The following ZFP2 variants were observed in gnomAD, a reference collection of about 807,000 sequenced individuals.
ZFP2 encodes zinc finger protein ZFP2.
Under a neutral mutation model 36.1 loss-of-function variants are expected in ZFP2, and 33 were observed. The observed-to-expected ratio is 0.92, with a 90% CI of 0.69 to 1.22. ZFP2 has a LOEUF of 1.22. Ranked by LOEUF, ZFP2 falls within the 50% of genes most tolerant of loss-of-function variation. The pLI is 0.00. For missense variants in ZFP2, 522 were observed against 551.4 expected (o/e 0.95, Z 0.53); for synonymous variants, 170 against 178.0 (o/e 0.96, Z 0.36).
At position 178,931,382 on chromosome 5, in the gene ZFP2, A is replaced by T; in HGVS notation, c.69A>T (p.Gly23=). Residue 23 remains glycine (G), a synonymous_variant, in exon 5 of 5, where the codon GGA becomes GGT. Transcript: ENST00000361362. ...ETWEPNNWLE[G]QQDSHLSQVG... is the part of the protein sequence containing the mutation. ...GGGAACCTAATAATTGGTTAGAGGG[A>T]CAACAGGATAGTCATCTGAGCCAAG... 1 of 1,614,114 alleles carries T rather than the reference A, an allele frequency of 6.2e-7. No individual in the cohort carries two copies. Among genetic ancestry groups the T allele is most frequent in the Non-Finnish European group, 8.5e-7 (1 of 1,180,000 alleles).
chr5:178,917,277 C>T (rs1414245918), intron 4 of ZFP2, among the ~76,000 whole-genome samples: 1 of 152,162 alleles, frequency 6.6e-6, no homozygotes, highest in Non-Finnish European at 1.5e-5. Flanking sequence ...CCACCCTAAC[C>T]ATCCCTAAAC....
At chr5:178,928,668 T>C (rs1758748626) in intron 4 of ZFP2, among the ~76,000 whole-genome samples, 1 of 152,206 alleles carries the variant, frequency 6.6e-6, no homozygotes. Context: ...AGTGCTCTCA[T>C]GGGTTGTAGT....
intron 4 of ZFP2, among the ~76,000 whole-genome samples, chr5:178,928,639 T>G (rs989513410): frequency 2.0e-5 from 3 of 152,256 alleles, no homozygotes; most frequent in Admixed American, 6.5e-5. Flanking sequence ...CACATGGCTT[T>G]GCAGTGTTCA....
At chr5:178,896,144 C>T (rs993014044) in intron 1 of ZFP2, among the ~76,000 whole-genome samples, 170 bp downstream of exon 1, 3 of 152,202 alleles carry the variant, frequency 2.0e-5, no homozygotes, top group Admixed American at 6.5e-5. Context: ...AGCGCCGGGC[C>T]TCCGGCTCCA....
At position 178,916,834 on chromosome 5, in the gene ZFP2, C is replaced by T. The variant is rs570691024; in HGVS notation, c.-78+124C>T. 14 of 707,312 alleles carry T rather than the reference C, an allele frequency of 2.0e-5. No homozygotes were observed. In the East Asian group the frequency reaches 8.0e-4, roughly 40 times the overall value. The allele number at this position is 707,312 out of a possible 1,614,324, so 43.8% of individuals were successfully genotyped here. On this transcript the variant is annotated intron_variant, in intron 4 of 4. Coordinates refer to ENST00000361362, the MANE Select transcript of ZFP2 (RefSeq NM_030613.4). ...TTACTTTGAGTTTAATGGTAATTCT[C>T]GCTTTCTTCCCTTGCCCTGCTGTGT...
intron 4 of ZFP2, among the ~76,000 whole-genome samples, chr5:178,925,204 A>G (rs1424651005): frequency 6.8e-6 from 1 of 147,230 alleles, no homozygotes; most frequent in Non-Finnish European, 1.5e-5. Context: ...TTGCTTATTC[A>G]TTCATATTGA....
intron 1 of ZFP2, among the ~76,000 whole-genome samples, chr5:178,903,763 A>AT (rs1475766359): frequency 6.6e-6 from 1 of 152,180 alleles, no homozygotes; most frequent in Non-Finnish European, 1.5e-5. Flanking sequence ...AAGTCAAGAG[A>AT]TTGAGACCAT....
At chr5:178,901,621 T>A (rs1008994751) in intron 1 of ZFP2, among the ~76,000 whole-genome samples, 1 of 152,232 alleles carries the variant, frequency 6.6e-6, no homozygotes. Context: ...CTTATAAGGA[T>A]ACCAGTCATA....
At chr5:178,896,883 A>T (rs989343901) in intron 1 of ZFP2, among the ~76,000 whole-genome samples, 2 of 152,194 alleles carry the variant, frequency 1.3e-5, no homozygotes, top group Admixed American at 6.5e-5. Context: ...CCCAATGAAG[A>T]TAGAGAATAC....
chr5:178,923,002 C>T (rs770858718), intron 4 of ZFP2, among the ~76,000 whole-genome samples: 1 of 149,296 alleles, frequency 6.7e-6, no homozygotes, highest in African/African-American at 2.4e-5. Flanking sequence ...TTGTGATTTC[C>T]TCTTTGACCT....
At chr5:178,908,739 C>G (rs1318239072) in intron 1 of ZFP2, among the ~76,000 whole-genome samples, 1 of 150,272 alleles carries the variant, frequency 6.7e-6, no homozygotes, top group African/African-American at 2.4e-5. Context: ...TCCCCCAAAA[C>G]AAGAAATAAC....
intron 1 of ZFP2, among the ~76,000 whole-genome samples, chr5:178,902,327 T>G (rs996880546): frequency 6.6e-6 from 1 of 152,198 alleles, no homozygotes; most frequent in African/African-American, 2.4e-5. Flanking sequence ...AAAAATACAG[T>G]TATCAAAATA....
intron 4 of ZFP2, among the ~76,000 whole-genome samples, chr5:178,917,551 G>A (rs892912373): frequency 2.7e-4 from 41 of 151,912 alleles, no homozygotes; most frequent in African/African-American, 8.2e-4. Context: ...GGAGGTGGAA[G>A]TTGCAGTAAG....
intron 1 of ZFP2, among the ~76,000 whole-genome samples, chr5:178,908,708 G>A (rs1758225326): frequency 6.7e-6 from 1 of 149,864 alleles, no homozygotes; most frequent in Non-Finnish European, 1.5e-5. Context: ...CATGTAGCCA[G>A]GTTCAAATAT....
rs567015696 is a variant in ZFP2, at chr5:178,906,619, G to A, written c.-449-5965G>A. Among the ~76,000 whole-genome samples, 601 of 151,934 alleles carry A rather than the reference G, an allele frequency of 4.0e-3. 3 individuals carry two copies. The highest frequency in any genetic ancestry group is 7.1e-3 in the Non-Finnish European group (483 of 67,964). On this transcript the variant is annotated intron_variant, in intron 1 of 4. Transcript: ENST00000361362. The stretch of plus-strand genomic sequence containing the variant: ...TGCCTAGGCTGGAGTGCAGTGGCCC[G>A]ATCTCGGCTCACTGCAACCTCCGCC...
chr5:178,913,412 A>C (rs149140130), intron 3 of ZFP2, among the ~76,000 whole-genome samples: 2 of 152,260 alleles, frequency 1.3e-5, no homozygotes, highest in East Asian at 3.9e-4. Context: ...CTGGGCTTTT[A>C]CTGTCTTTCA....
At chr5:178,912,819 G>A (rs1430840520) in intron 2 of ZFP2, 100 bp downstream of exon 2, 1 of 947,430 alleles carries the variant, frequency 1.1e-6, no homozygotes, top group Non-Finnish European at 1.3e-6. Flanking sequence ...TCTCTTTCAA[G>A]GCAGAAGATT....
chr5:178,907,122 G>GA (rs1397249212), intron 1 of ZFP2, among the ~76,000 whole-genome samples: 1 of 152,042 alleles, frequency 6.6e-6, no homozygotes, highest in Non-Finnish European at 1.5e-5. Flanking sequence ...GAAGTCTGGG[G>GA]AACTGGACCC....
At chr5:178,911,390 A>G (rs1485771195) in intron 1 of ZFP2, among the ~76,000 whole-genome samples, 1 of 152,170 alleles carries the variant, frequency 6.6e-6, no homozygotes, top group East Asian at 1.9e-4. Context: ...ATTTTTTCCA[A>G]TAAAAATTAC....
Sources: gnomAD v4.1 joint callset for allele counts (sites outside exome capture counted in the v4.1 genomes callset) on GRCh38, gnomAD v4.1.1 for gene constraint, MANE v1.5 for transcripts, NCBI Gene and HGNC (gene_info 2026-07-23, HGNC 2026-07-21) for gene names.